PPP1R9A: variants seen among roughly 807,000 people sequenced by gnomAD.
PPP1R9A encodes the protein protein phosphatase 1 regulatory subunit 9A.
PPP1R9A carries 59 observed loss-of-function variants against 141.9 expected under a neutral mutation model. That is an observed-to-expected ratio of 0.42 (90% CI 0.34 to 0.52). The LOEUF (loss-of-function observed/expected upper bound fraction) is 0.52, where lower values mean the gene tolerates loss of function less well. PPP1R9A is among the 20% of genes least tolerant of loss of function. The pLI is 0.10. For synonymous variants in PPP1R9A, 500 were observed against 569.7 expected (o/e 0.88, Z 1.74); for missense variants, 1,444 against 1,611.9 (o/e 0.90, Z 1.78).
intron 5 of PPP1R9A, among the ~76,000 whole-genome samples, chr7:95,182,046 G>C (rs1275724426): frequency 6.6e-6 from 1 of 151,798 alleles, no homozygotes; most frequent in Non-Finnish European, 1.5e-5. Context: ...GGGTGGCAAG[G>C]GATAAAAGAC....
At chr7:95,216,037 A>T (rs1018651410) in intron 7 of PPP1R9A, among the ~76,000 whole-genome samples, 1 of 152,168 alleles carries the variant, frequency 6.6e-6, no homozygotes, top group Non-Finnish European at 1.5e-5. Flanking sequence ...TTAGACATGA[A>T]GTCCTTGCCC....
At chr7:95,131,058 G>A (rs987038701) in intron 4 of PPP1R9A, among the ~76,000 whole-genome samples, 3 of 152,174 alleles carry the variant, frequency 2.0e-5, no homozygotes, top group Non-Finnish European at 4.4e-5. Flanking sequence ...GAAATGTCAG[G>A]ACATGTGATT....
intron 12 of PPP1R9A, among the ~76,000 whole-genome samples, chr7:95,257,139 C>T (rs1799702439): frequency 6.6e-6 from 1 of 152,048 alleles, no homozygotes; most frequent in Non-Finnish European, 1.5e-5. Flanking sequence ...AGAATAGGGC[C>T]AGGTTCTCCT....
At chr7:95,247,395 A>G (rs1798253681) in intron 8 of PPP1R9A, 78 bp from the exon 9 acceptor site, 2 of 1,220,034 alleles carry the variant, frequency 1.6e-6, no homozygotes, top group East Asian at 4.7e-5. Flanking sequence ...GTAATAAGGC[A>G]TTCTTGTAGC....
rs1797173083 is a variant in PPP1R9A, at chr7:95,239,655, A to G, written c.2113-7818A>G. ...GTTTATAATTATAATTATGCAAGAT[A>G]TAGGTGTTCCCACCTTATTTTATGC... On this transcript the variant is annotated intron_variant, in intron 8 of 19. Coordinates refer to ENST00000433360, the MANE Select transcript of PPP1R9A (RefSeq NM_001166160.2). Among the ~76,000 whole-genome samples, 4 of 152,270 alleles carry G rather than the reference A, an allele frequency of 2.6e-5. No individual in the cohort carries two copies. The South Asian group carries it at 8.3e-4, about 32-fold the overall frequency.
chr7:95,062,898 G>A (rs1812431134), intron 2 of PPP1R9A, among the ~76,000 whole-genome samples: 1 of 152,174 alleles, frequency 6.6e-6, no homozygotes, highest in Non-Finnish European at 1.5e-5. Context: ...GCGGCTGTGG[G>A]TGTTAGATGG....
intron 2 of PPP1R9A, among the ~76,000 whole-genome samples, chr7:94,971,691 G>C (rs1798878105): frequency 6.6e-6 from 1 of 152,158 alleles, no homozygotes; most frequent in Non-Finnish European, 1.5e-5. Flanking sequence ...CAGGTCAGCG[G>C]AGAAGCAAAC....
chr7:95,181,248 GA>G (rs1409851546), intron 5 of PPP1R9A, among the ~76,000 whole-genome samples: 2 of 139,624 alleles, frequency 1.4e-5, no homozygotes, highest in African/African-American at 5.3e-5. Flanking sequence ...AGTATATAGA[GA>G]ATATATATAG....
At chr7:94,919,695 A>G (rs925012469) in intron 2 of PPP1R9A, among the ~76,000 whole-genome samples, 31 of 152,150 alleles carry the variant, frequency 2.0e-4, no homozygotes, top group African/African-American at 7.0e-4. Flanking sequence ...CCTACATGCT[A>G]TTATCTGTAC....
intron 2 of PPP1R9A, among the ~76,000 whole-genome samples, chr7:94,912,417 G>T (rs564500277): frequency 1.3e-5 from 2 of 152,158 alleles, no homozygotes; most frequent in Non-Finnish European, 2.9e-5. Flanking sequence ...GTCCTGAGAT[G>T]CTGGCATGCT....
At chr7:95,220,771 T>C (rs1585322433) in intron 7 of PPP1R9A, among the ~76,000 whole-genome samples, 1 of 152,076 alleles carries the variant, frequency 6.6e-6, no homozygotes, top group Non-Finnish European at 1.5e-5. Context: ...ATGAGTGATG[T>C]CAGCTATACA....
Position 95,192,397 on chromosome 7 carries a change from G to A in PPP1R9A, c.1755-5952G>A, listed in dbSNP as rs190542074. Among the ~76,000 whole-genome samples the A allele has an allele frequency of 3.3e-5, 5 of 151,838 alleles. 1 individual carries two copies. The highest frequency in any genetic ancestry group is 3.3e-4 in the Admixed American group (5 of 15,224). On this transcript the variant is annotated intron_variant, in intron 5 of 19. Transcript: ENST00000433360. ...ATTATTAACTGGATAGATAGGAAAT[G>A]GCATCTCTATTTTCTTTTCAATTTA...
chr7:95,171,236 A>C (rs1471828140), intron 5 of PPP1R9A, among the ~76,000 whole-genome samples: 4 of 151,598 alleles, frequency 2.6e-5, no homozygotes, highest in Non-Finnish European at 5.9e-5. Context: ...CAAACTTATC[A>C]GGAATTTCTT....
chr7:94,913,360 A>C (rs1196390187), intron 2 of PPP1R9A, among the ~76,000 whole-genome samples: 1 of 152,200 alleles, frequency 6.6e-6, no homozygotes, highest in Non-Finnish European at 1.5e-5. Context: ...TTATAACAAT[A>C]AGTATTTTGC....
rs1805271497 is a variant in PPP1R9A at position 95,286,125 on chromosome 7, C to A, written c.3610-81C>A. ...TTTCTGCTAAGATTGTTTAAAAGAG[C>A]CCTTTTAGAGCTTGTAGACACACCT... On this transcript the variant is annotated intron_variant, in intron 17 of 19. Coordinates refer to ENST00000433360, the MANE Select transcript of PPP1R9A (RefSeq NM_001166160.2). 1.9e-6 allele frequency: 3 copies of A among 1,543,534 alleles called. No homozygotes were observed. The Admixed American group carries it at 5.6e-5, about 29-fold the overall frequency.
At chr7:95,007,432 G>T (rs902848080) in intron 2 of PPP1R9A, among the ~76,000 whole-genome samples, 1 of 152,146 alleles carries the variant, frequency 6.6e-6, no homozygotes, top group African/African-American at 2.4e-5. Flanking sequence ...GTCCTCTGGA[G>T]GGCAAAATCT....
chr7:94,955,275 CAT>C (rs1271799666), intron 2 of PPP1R9A, among the ~76,000 whole-genome samples: 1 of 151,988 alleles, frequency 6.6e-6, no homozygotes, highest in African/African-American at 2.4e-5. Context: ...CAAAAGAAAA[CAT>C]AAATAGTAAG....
rs149493868 is a variant in PPP1R9A, at chr7:95,085,500, C to T, written c.1396-25759C>T. ...CACGATCTCGGCTCACTGCAACCTCCGCCTGCTGGGTTCAAGCGATTCTCC... is the reference window on the plus strand; with the variant it reads ...CACGATCTCGGCTCACTGCAACCTCTGCCTGCTGGGTTCAAGCGATTCTCC... On this transcript the variant is annotated intron_variant, in intron 2 of 19. Transcript: ENST00000433360. Among the ~76,000 whole-genome samples, 263 of 150,822 alleles carry T rather than the reference C, an allele frequency of 1.7e-3. 5 individuals are homozygous for T. Among genetic ancestry groups the T allele is most frequent in the African/African-American group, 6.0e-3 (245 of 40,840 alleles).
chr7:95,240,482 T>G (rs1356315658), intron 8 of PPP1R9A, among the ~76,000 whole-genome samples: 1 of 152,028 alleles, frequency 6.6e-6, no homozygotes, highest in Non-Finnish European at 1.5e-5. Context: ...TTTGTCTTTT[T>G]TTCGTGTCTG....
Sources: allele counts gnomAD v4.1 joint callset (sites outside exome capture counted in the v4.1 genomes callset), GRCh38; gene constraint gnomAD v4.1.1; transcripts MANE v1.5; gene names NCBI Gene and HGNC (gene_info 2026-07-23, HGNC 2026-07-21).